Variants in OGFOD1 observed in about 807,000 individuals in gnomAD.
OGFOD1 encodes the protein 2-oxoglutarate and iron dependent oxygenase domain containing 1.
A neutral mutation model predicts 67.7 loss-of-function variants in OGFOD1; 54 were observed. The observed-to-expected ratio is 0.80, with a 90% confidence interval of 0.64 to 1.00. The LOEUF is 1.00. OGFOD1 is among the 50% of genes least tolerant of loss of function. The pLI is 0.00. For missense variants in OGFOD1, 606 were observed against 646.7 expected (o/e 0.94, Z 0.68); for synonymous variants, 221 against 227.0 (o/e 0.97, Z 0.24).
rs1320849442 is a variant in OGFOD1, at chr16:56,455,296, G to A, written c.300+1888G>A. On this transcript the variant is annotated intron_variant, in intron 2 of 12. Transcript: ENST00000566157. ...GCAGGAGAATCGCTTGAACCCAGGC[G>A]GTGGAGGTTGCAGTGAGCTGAGATC... Among the ~76,000 whole-genome samples, 3 of 152,064 alleles carry A rather than the reference G, an allele frequency of 2.0e-5. No individual in the cohort carries two copies. In the South Asian group the frequency reaches 6.2e-4, roughly 32 times the overall value.
Position 56,470,463 on chromosome 16 carries a change from C to T in OGFOD1, c.981-24C>T, listed in dbSNP as rs1186909409. 5 of 1,575,972 alleles carry T rather than the reference C, an allele frequency of 3.2e-6. No homozygotes were observed. The Admixed American group carries it at 7.3e-5, about 23-fold the overall frequency. On this transcript the variant is annotated intron_variant, in intron 9 of 12. Coordinates refer to ENST00000566157, the MANE Select transcript of OGFOD1 (RefSeq NM_018233.4). Reference sequence around the variant, plus strand: ...ATTTTACATCTGTGGCTTTGATGAACAACTTGACATTGCTGTTTTTCAGGT... The same window carrying T: ...ATTTTACATCTGTGGCTTTGATGAATAACTTGACATTGCTGTTTTTCAGGT...
rs1307372476 is a variant in OGFOD1 at position 56,467,900 on chromosome 16, G to C, written c.787-5G>C. 1 of 1,470,390 alleles carries C rather than the reference G, an allele frequency of 6.8e-7. No individual in the cohort carries two copies. Among genetic ancestry groups the C allele is most frequent in the Non-Finnish European group, 9.5e-7 (1 of 1,049,156 alleles). 91.1% of individuals were successfully genotyped at this position (1,470,390 alleles called of 1,614,324 possible). ...CACATTTTGCATCTGCTGCCTCTTCGTAAGCATGAGATTTTGTATGATTGG... is the reference window on the plus strand; with the variant it reads ...CACATTTTGCATCTGCTGCCTCTTCCTAAGCATGAGATTTTGTATGATTGG... On this transcript the variant is annotated splice_polypyrimidine_tract_variant and splice_region_variant and intron_variant, in intron 7 of 12. Coordinates refer to ENST00000566157, the MANE Select transcript of OGFOD1 (RefSeq NM_018233.4).
At chr16:56,471,698 A>C (rs1410356537) in intron 10 of OGFOD1, among the ~76,000 whole-genome samples, 1 of 152,242 alleles carries the variant, frequency 6.6e-6, no homozygotes, top group Non-Finnish European at 1.5e-5. Context: ...TTGAGATGCT[A>C]ACTGAAAGCA....
At position 56,458,576 on chromosome 16, in the gene OGFOD1, C is replaced by A; in HGVS notation, c.329C>A (p.Pro110His). ...GATGATTTGAAGAAGAGAAGAGAGC[C>A]TCACATCTCCACTTTAAGGTAAACA... ...QSDDLKKRREPHISTLRKILF... is the reference protein window; with the variant it reads ...QSDDLKKRREHHISTLRKILF... The change falls in exon 3 of 13, where the codon CCT (proline) becomes CAT (histidine). Residue 110 changes from proline (P) to histidine (H), a missense_variant. Pro to His is a moderately conservative substitution (Grantham distance 77). Transcript: ENST00000566157. The A allele has an allele frequency of 6.2e-7, 1 of 1,613,620 alleles. No homozygotes were observed. The highest frequency in any genetic ancestry group is 1.3e-5 in the African/African-American group (1 of 75,034).
intron 1 of OGFOD1, among the ~76,000 whole-genome samples, chr16:56,452,513 CG>C (rs1962376150): frequency 6.6e-6 from 1 of 152,180 alleles, no homozygotes; most frequent in South Asian, 2.1e-4. Context: ...TAGAGTTTGC[CG>C]TAATTTTTCT....
intron 12 of OGFOD1, 70 bp from the exon 13 acceptor site, chr16:56,475,974 C>CA (rs2144065226): frequency 7.4e-7 from 1 of 1,355,330 alleles, no homozygotes; most frequent in South Asian, 1.3e-5. Flanking sequence ...CCATCTGTTC[C>CA]ATGGTTAATC....
At chr16:56,457,499 T>G (rs1308201603) in intron 2 of OGFOD1, among the ~76,000 whole-genome samples, 1 of 152,228 alleles carries the variant, frequency 6.6e-6, no homozygotes, top group South Asian at 2.1e-4. Context: ...GTGAATATAC[T>G]AAAATCCAAT....
rs1252641751 is a variant in OGFOD1, at chr16:56,470,540, T to G, written c.1034T>G (p.Met345Arg). 3.1e-6 allele frequency: 5 copies of G among 1,614,136 alleles called. No homozygotes were observed. The highest frequency in any genetic ancestry group is 1.7e-4 in the Middle Eastern group (1 of 6,050). Reference protein sequence around the residue: ...SKLPEILKECMKLFRSEALFL... With the variant: ...SKLPEILKECRKLFRSEALFL... ...CTTCCTGAGATATTGAAGGAGTGCA[T>G]GAAGTTATTTCGCTCTGAGGCACTA... The change falls in exon 10 of 13, where the codon ATG (methionine) becomes AGG (arginine). Residue 345 changes from methionine to arginine, a missense_variant. Coordinates refer to ENST00000566157, the MANE Select transcript of OGFOD1 (RefSeq NM_018233.4).
At chr16:56,460,594 G>A (rs1962681381) in intron 3 of OGFOD1, among the ~76,000 whole-genome samples, 2 of 152,190 alleles carry the variant, frequency 1.3e-5, no homozygotes, top group South Asian at 2.1e-4. Context: ...TGGACTGACT[G>A]AGCACAATTA....
At position 56,474,883 on chromosome 16, in the gene OGFOD1, C is replaced by T. The variant is rs1463321502; in HGVS notation, c.1341C>T (p.Tyr447=). 6.2e-6 allele frequency: 10 copies of T among 1,612,722 alleles called. No homozygotes were observed. The highest frequency in any genetic ancestry group is 7.6e-6 in the Non-Finnish European group (9 of 1,178,940). The stretch of plus-strand genomic sequence containing the variant: ...TGAGGCATTGGAAGACCGGTCACTA[C>T]ACTTTAATTCATGACCATAGCAAGG... ...GELRHWKTGH[Y]TLIHDHSKAE... is the part of the protein sequence containing the mutation. Residue 447 remains tyrosine, a synonymous_variant, in exon 11 of 13, where the codon TAC becomes TAT. Transcript: ENST00000566157.
At chr16:56,461,371 G>A (rs997865429) in intron 3 of OGFOD1, among the ~76,000 whole-genome samples, 1 of 152,174 alleles carries the variant, frequency 6.6e-6, no homozygotes, top group African/African-American at 2.4e-5. Flanking sequence ...TGGGGAGGAC[G>A]TGGTGTGGAA....
At position 56,466,541 on chromosome 16, in the gene OGFOD1, G is replaced by A. The variant is rs768671660; in HGVS notation, c.565+273G>A. Among the ~76,000 whole-genome samples the A allele has an allele frequency of 8.1e-4, 124 of 152,184 alleles. 3 individuals are homozygous for A. The highest frequency in any genetic ancestry group is 1.0e-4 in the Non-Finnish European group (7 of 68,038). ...TTCTGAATACTGACTGTGGAAGGGT[G>A]GAGTGCATATAAGGCTGCCTGTGGC... On this transcript the variant is annotated intron_variant, in intron 5 of 12. Transcript: ENST00000566157.
intron 5 of OGFOD1, 33 bp from the exon 6 acceptor site, chr16:56,466,840 AATG>A (rs1440383503): frequency 6.8e-7 from 1 of 1,470,818 alleles, no homozygotes; most frequent in Non-Finnish European, 9.5e-7. Context: ...GGAAGTGGTT[AATG>A]ATAATTTATT....
intron 10 of OGFOD1, among the ~76,000 whole-genome samples, chr16:56,474,066 A>G (rs1306788518): frequency 6.6e-6 from 1 of 151,764 alleles, no homozygotes; most frequent in African/African-American, 2.4e-5. Context: ...GCCTCAGAGG[A>G]GTACTAACCT....
chr16:56,464,036 A>T (rs1255385320), intron 4 of OGFOD1, among the ~76,000 whole-genome samples: 2 of 152,160 alleles, frequency 1.3e-5, no homozygotes, highest in African/African-American at 4.8e-5. Context: ...GCATTTAGTT[A>T]TAATATTGTC....
At chr16:56,455,824 T>C (rs1380966247) in intron 2 of OGFOD1, among the ~76,000 whole-genome samples, 2 of 152,150 alleles carry the variant, frequency 1.3e-5, no homozygotes, top group Admixed American at 1.3e-4. Flanking sequence ...ACTACATTAG[T>C]TTTTCTTTCT....
intron 11 of OGFOD1, among the ~76,000 whole-genome samples, chr16:56,475,249 TTC>T (rs1320015497): frequency 3.3e-5 from 5 of 152,212 alleles, no homozygotes; most frequent in African/African-American, 7.2e-5. Context: ...TAGCATTTAA[TTC>T]TCTCTTAATT....
Position 56,467,259 on chromosome 16 carries a change from C to T in OGFOD1, c.752C>T (p.Pro251Leu), listed in dbSNP as rs1410346598. 6.2e-7 allele frequency: 1 copy of T among 1,613,906 alleles called. No homozygotes were observed. Among genetic ancestry groups the T allele is most frequent in the Non-Finnish European group, 8.5e-7 (1 of 1,179,998 alleles). Residue 251 changes from proline (P) to leucine (L), a missense_variant, in exon 7 of 13, where the codon CCC (proline) becomes CTC (leucine). Pro to Leu is a moderately conservative substitution (Grantham distance 98). Coordinates refer to ENST00000566157, the MANE Select transcript of OGFOD1 (RefSeq NM_018233.4). ...SLTRPPNYFE[P>L]PIPRSPHIPQ... Reference sequence around the variant, plus strand: ...ACTCGGCCTCCCAACTACTTTGAACCCCCCATACCTCGGAGCCCTCACATC... The same window carrying T: ...ACTCGGCCTCCCAACTACTTTGAACTCCCCATACCTCGGAGCCCTCACATC...
chr16:56,469,133 A>G (rs1398055037), intron 8 of OGFOD1, among the ~76,000 whole-genome samples: 12 of 152,232 alleles, frequency 7.9e-5, no homozygotes, highest in Admixed American at 7.9e-4. Context: ...TCATGCATTT[A>G]TAACTGATAG....
Sources: allele counts gnomAD v4.1 joint callset (sites outside exome capture counted in the v4.1 genomes callset), GRCh38; gene constraint gnomAD v4.1.1; transcripts MANE v1.5; gene names NCBI Gene and HGNC (gene_info 2026-07-23, HGNC 2026-07-21).